Variants in CDH7 observed in about 807,000 individuals in gnomAD.
The protein encoded by CDH7 is cadherin 7, also known as cadherin-7.
In CDH7, 25 loss-of-function variants were observed where a neutral mutation model predicts 71.8. The observed-to-expected ratio is 0.35, with a 90% CI of 0.25 to 0.49. The LOEUF (loss-of-function observed/expected upper bound fraction) is 0.49, where lower values mean the gene tolerates loss of function less well. Among genes scored for constraint, CDH7 ranks in the 20% least tolerant of loss-of-function variants. The probability of loss-of-function intolerance (pLI) is 0.99; values close to 1 mark genes in which losing one functional copy is unlikely to be tolerated. For missense variants in CDH7, 862 were observed against 974.6 expected (o/e 0.88, Z 1.54); for synonymous variants, 381 against 363.8 (o/e 1.05, Z -0.54).
intron 6 of CDH7, among the ~76,000 whole-genome samples, chr18:65,838,175 C>T (rs1008162914): frequency 2.0e-5 from 3 of 152,002 alleles, no homozygotes; most frequent in Admixed American, 2.0e-4. Context: ...CTGCTTTGGC[C>T]TCCCAAAGTG....
At chr18:65,771,134 A>G (rs1409469718) in intron 2 of CDH7, among the ~76,000 whole-genome samples, 2 of 152,154 alleles carry the variant, frequency 1.3e-5, no homozygotes, top group African/African-American at 2.4e-5. Context: ...ACCTTAGTTT[A>G]CTTGCAAAAG....
chr18:65,859,613 T>C, intron 9 of CDH7, 95 bp from the exon 10 acceptor site: 1 of 719,514 alleles, frequency 1.4e-6, no homozygotes, highest in Non-Finnish European at 2.5e-6. Flanking sequence ...AGGGAGATGG[T>C]ATTTATTATA....
At chr18:65,838,259 G>T (rs1055834386) in intron 6 of CDH7, among the ~76,000 whole-genome samples, 1 of 151,908 alleles carries the variant, frequency 6.6e-6, no homozygotes, top group Admixed American at 6.6e-5. Context: ...ATAAATGAGG[G>T]TTATTTTCCC....
chr18:65,822,188 A>T lies in CDH7; in HGVS notation c.733A>T (p.Thr245Ser). The T allele has an allele frequency of 6.2e-7, 1 of 1,613,386 alleles. No homozygotes were observed. Among genetic ancestry groups the T allele is most frequent in the Non-Finnish European group, 8.5e-7 (1 of 1,179,360 alleles). The change falls in exon 5 of 12, where the codon ACT (threonine) becomes TCT (serine). Residue 245 changes from threonine to serine, a missense_variant. By Grantham distance (58) the Thr-to-Ser change is moderately conservative. Coordinates refer to ENST00000397968, the MANE Select transcript of CDH7 (RefSeq NM_004361.5). ...TGGTCAAAATGGAGGACTGTCAGGA[A>T]CTACATCAGTCACTGTGACCCTAAC... ...MVGQNGGLSG[T>S]TSVTVTLTDV...
rs1452611677 is a variant in CDH7, at chr18:65,857,915, T to C, written c.1335T>C (p.Asn445=). 4 of 1,613,598 alleles carry C rather than the reference T, an allele frequency of 2.5e-6. No homozygotes were observed. The highest frequency in any genetic ancestry group is 1.3e-5 in the African/African-American group (1 of 74,902). The change falls in exon 8 of 12, where the codon AAT becomes AAC. Residue 445 remains asparagine (N), a synonymous_variant. Coordinates refer to ENST00000397968, the MANE Select transcript of CDH7 (RefSeq NM_004361.5). ...TTAKSLDRET[N]AIHNITVLAM... is the part of the protein sequence containing the mutation. Reference sequence around the variant, plus strand: ...CCAAGTCTTTGGATCGAGAGACAAATGCTATTCACAATATCACAGTCCTTG... The same window carrying C: ...CCAAGTCTTTGGATCGAGAGACAAACGCTATTCACAATATCACAGTCCTTG...
At position 65,862,736 on chromosome 18, in the gene CDH7, A is replaced by C; in HGVS notation, c.1683A>C (p.Pro561=). The change falls in exon 11 of 12, where the codon CCA becomes CCC. Residue 561 remains proline (P), a synonymous_variant. Transcript: ENST00000397968. The part of the protein sequence containing the change: ...RRQEQSVYYL[P]IFIVDSGSPS... ...AGGAACAATCAGTTTACTATCTGCC[A>C]ATTTTCATTGTGGACAGTGGATCTC... 2 of 1,614,120 alleles carry C rather than the reference A, an allele frequency of 1.2e-6. No homozygotes were observed. Among genetic ancestry groups the C allele is most frequent in the Non-Finnish European group, 1.7e-6 (2 of 1,179,978 alleles).
At chr18:65,872,430 A>G (rs1913955470) in intron 11 of CDH7, among the ~76,000 whole-genome samples, 1 of 152,172 alleles carries the variant, frequency 6.6e-6, no homozygotes, top group Admixed American at 6.6e-5. Context: ...AAATTTCAGG[A>G]AAGTGTTTCC....
At chr18:65,798,551 G>C (rs1910999414) in intron 2 of CDH7, among the ~76,000 whole-genome samples, 1 of 152,144 alleles carries the variant, frequency 6.6e-6, no homozygotes, top group Non-Finnish European at 1.5e-5. Flanking sequence ...GGAATTTATT[G>C]GTGTGCATTC....
chr18:65,805,581 G>C (rs1911286370), intron 2 of CDH7, among the ~76,000 whole-genome samples: 1 of 152,224 alleles, frequency 6.6e-6, no homozygotes, highest in African/African-American at 2.4e-5. Flanking sequence ...CTTCAAAAGA[G>C]TTGAATTCTC....
chr18:65,854,928 TATATACACACAC>T (rs1913295296), intron 7 of CDH7, among the ~76,000 whole-genome samples: 2 of 142,052 alleles, frequency 1.4e-5, no homozygotes, highest in African/African-American at 5.1e-5. Flanking sequence ...CACATATATA[TATATACACACAC>T]ATATATATAC....
At chr18:65,804,154 TG>T (rs1762808958) in intron 2 of CDH7, among the ~76,000 whole-genome samples, 1 of 152,170 alleles carries the variant, frequency 6.6e-6, no homozygotes, top group Admixed American at 6.5e-5. Flanking sequence ...ATGGTCTTTT[TG>T]TGGCATGAAA....
In CDH7 at chr18:65,885,382, T is replaced by TTTTTTTTTTTTTTTC. The variant is rs1599074843; in HGVS notation, c.*4501_*4502insTCTTTTTTTTTTTTT. The TTTTTTTTTTTTTTTC allele has an allele frequency of 2.6e-5, 3 of 113,438 alleles. No homozygotes were observed. Among genetic ancestry groups the TTTTTTTTTTTTTTTC allele is most frequent in the South Asian group, 6.4e-4 (2 of 3,126 alleles). 7.0% of individuals were successfully genotyped at this position (113,438 alleles called of 1,614,324 possible). On this transcript the variant is annotated 3_prime_UTR_variant, in exon 12 of 12. Transcript: ENST00000397968. ...AGGATGTGTGCCTGTGTTTTTTTTT[T>TTTTTTTTTTTTTTTC]TTTTTTTTTTTTTGACGTGGAGTCT...
chr18:65,809,957 A>G lies in CDH7; in HGVS notation c.464A>G (p.Asp155Gly). ...DINDNEPKFLDGPYTAGVPEM... is the reference protein window; with the variant it reads ...DINDNEPKFLGGPYTAGVPEM... ...AACGACAATGAACCCAAATTTTTGG[A>G]TGGCCCATACACGGCAGGAGTTCCC... The change falls in exon 3 of 12, where the codon GAT becomes GGT. Residue 155 changes from aspartate to glycine, a missense_variant. By Grantham distance (94) the Asp-to-Gly change is moderately conservative. Transcript: ENST00000397968. The G allele has an allele frequency of 6.2e-7, 1 of 1,613,958 alleles. No homozygotes were observed. Among genetic ancestry groups the G allele is most frequent in the Non-Finnish European group, 8.5e-7 (1 of 1,179,922 alleles).
At chr18:65,847,511 G>GC (rs1912974504) in intron 7 of CDH7, among the ~76,000 whole-genome samples, 1 of 152,002 alleles carries the variant, frequency 6.6e-6, no homozygotes, top group South Asian at 2.1e-4. Context: ...ACATTTAGTT[G>GC]CCCCCAGCAA....
At chr18:65,811,970 T>TTTC (rs1555685191) in intron 3 of CDH7, among the ~76,000 whole-genome samples, 6 of 130,166 alleles carry the variant, frequency 4.6e-5, no homozygotes, top group African/African-American at 1.9e-4. Context: ...TCTTTTCTTT[T>TTTC]TTTTTTTTTT....
chr18:65,760,282 C>T (rs543212367), intron 1 of CDH7, among the ~76,000 whole-genome samples: 1 of 152,150 alleles, frequency 6.6e-6, no homozygotes, highest in Non-Finnish European at 1.5e-5. Flanking sequence ...GGTTTTATCT[C>T]TGGAACGTCT....
At position 65,881,030 on chromosome 18, in the gene CDH7, C is replaced by A; in HGVS notation, c.*136C>A. 1.1e-6 allele frequency: 1 copy of A among 885,776 alleles called. No homozygotes were observed. 54.9% of individuals were successfully genotyped at this position (885,776 alleles called of 1,614,324 possible). ...TGGAGACAGATGGTTGTAAATATTT[C>A]TCCATTTTTAATTGTTTAGATTTCT... is the stretch of plus-strand genomic sequence containing the variant. On this transcript the variant is annotated 3_prime_UTR_variant, in exon 12 of 12. Transcript: ENST00000397968.
chr18:65,777,889 T>C (rs1910008794), intron 2 of CDH7, among the ~76,000 whole-genome samples: 1 of 152,178 alleles, frequency 6.6e-6, no homozygotes, highest in Non-Finnish European at 1.5e-5. Flanking sequence ...TCTGTATTTT[T>C]CAGGGGCTAA....
At chr18:65,849,489 T>G (rs185028185) in intron 7 of CDH7, among the ~76,000 whole-genome samples, 183 of 151,196 alleles carry the variant, frequency 1.2e-3, no homozygotes, top group Non-Finnish European at 2.1e-3. Context: ...CTCGGTTCAC[T>G]GCAATTTCTG....
Sources: allele counts gnomAD v4.1 joint callset (sites outside exome capture counted in the v4.1 genomes callset), GRCh38; gene constraint gnomAD v4.1.1; transcripts MANE v1.5; gene names NCBI Gene and HGNC (gene_info 2026-07-23, HGNC 2026-07-21).